S100A8: variants seen among roughly 807,000 people sequenced by gnomAD.
S100A8 encodes the protein S100 calcium binding protein A8.
Under a neutral mutation model 4.2 loss-of-function variants are expected in S100A8, and 1 was observed. The observed-to-expected ratio is 0.24, with a 90% CI of 0.08 to 1.12. S100A8 has a LOEUF of 1.12. Ranked by LOEUF, S100A8 falls within the 50% of genes most tolerant of loss-of-function variation. S100A8 has a pLI of 0.53. For synonymous variants in S100A8, 41 were observed against 44.7 expected, an observed-to-expected ratio of 0.92 and a Z score of 0.33; for missense variants, 96 against 111.8, an observed-to-expected ratio of 0.86 and a Z score of 0.64.
chr1:153,417,786 C>T, the S100A8 span, among the ~76,000 whole-genome samples: 364 of 152,254 alleles, frequency 2.4e-3, 3 homozygotes, highest in African/African-American at 8.3e-3. Context: ...TGCTGGCCTC[C>T]GACTCTCCCT....
intron 1 of S100A8, 38 bp from the exon 2 acceptor site, chr1:153,390,595 G>T: frequency 1.2e-6 from 2 of 1,607,690 alleles, no homozygotes; most frequent in Non-Finnish European, 1.7e-6. Flanking sequence ...CCATGGCAGG[G>T]AATTTGCATC....
chr1:153,397,592 G>A, the S100A8 span, among the ~76,000 whole-genome samples: 1 of 152,294 alleles, frequency 6.6e-6, no homozygotes, highest in African/African-American at 2.4e-5. Flanking sequence ...GTGGGCATCG[G>A]GAGCACTGGG....
the S100A8 span, among the ~76,000 whole-genome samples, chr1:153,405,148 A>G: frequency 3.8e-3 from 584 of 151,784 alleles, 3 homozygotes; most frequent in African/African-American, 0.013. Flanking sequence ...GCCTCGTCTT[A>G]AAATTGGGCG....
the S100A8 span, chr1:153,419,564 G>A: frequency 2.0e-6 from 1 of 497,436 alleles, no homozygotes; most frequent in Non-Finnish European, 3.5e-6. Context: ...GTCTGCCTCT[G>A]CACCGTTCCC....
At chr1:153,415,237 A>C in the S100A8 span, among the ~76,000 whole-genome samples, 3 of 151,894 alleles carry the variant, frequency 2.0e-5, no homozygotes, top group African/African-American at 7.3e-5. Flanking sequence ...TTGCCGTCAT[A>C]TGGGAAACTG....
the S100A8 span, among the ~76,000 whole-genome samples, chr1:153,415,972 G>A: frequency 2.0e-5 from 3 of 152,356 alleles, no homozygotes; most frequent in Non-Finnish European, 2.9e-5. Context: ...TACTAGCTGA[G>A]TAAACTTGGG....
the S100A8 span, chr1:153,416,642 G>A: frequency 7.9e-4 from 299 of 376,698 alleles, 1 homozygote; most frequent in African/African-American, 5.5e-3. Flanking sequence ...GAAGGGAAAG[G>A]GCTGTGGACA....
At chr1:153,392,725 C>G (rs1255502265), upstream of S100A8, among the ~76,000 whole-genome samples, 1 of 152,146 alleles carries the variant, frequency 6.6e-6, no homozygotes, top group African/African-American at 2.4e-5. Context: ...TCCACCGTGC[C>G]CTGGGAGATG....
the S100A8 span, among the ~76,000 whole-genome samples, chr1:153,404,762 T>A: frequency 6.6e-6 from 1 of 152,216 alleles, no homozygotes; most frequent in Non-Finnish European, 1.5e-5. Flanking sequence ...AGAAAAGCCC[T>A]CTGCCTTTCA....
chr1:153,395,770 T>A (rs1662197839), upstream of S100A8, among the ~76,000 whole-genome samples: 1 of 152,248 alleles, frequency 6.6e-6, no homozygotes. Context: ...GACTTCCTAC[T>A]GTTTTCTCCA....
the S100A8 span, chr1:153,419,372 A>C: frequency 1.3e-6 from 2 of 1,519,628 alleles, no homozygotes; most frequent in Non-Finnish European, 1.8e-6. Flanking sequence ...CCCACCAGAC[A>C]CTTGCCTTAT....
chr1:153,412,698 A>G, the S100A8 span, among the ~76,000 whole-genome samples: 1 of 152,186 alleles, frequency 6.6e-6, no homozygotes, highest in Non-Finnish European at 1.5e-5. Flanking sequence ...TGTTTATTGC[A>G]GCACTATTCA....
At chr1:153,407,089 G>A in the S100A8 span, among the ~76,000 whole-genome samples, 1 of 152,182 alleles carries the variant, frequency 6.6e-6, no homozygotes, top group Non-Finnish European at 1.5e-5. Flanking sequence ...GAGGTACCGG[G>A]TTCATCTCAC....
the S100A8 span, among the ~76,000 whole-genome samples, chr1:153,407,844 C>A: frequency 1.0e-3 from 153 of 152,330 alleles, 1 homozygote; most frequent in African/African-American, 3.5e-3. Flanking sequence ...GCTGGTGACA[C>A]CCAGGCAAAC....
the S100A8 span, among the ~76,000 whole-genome samples, chr1:153,399,192 C>G: frequency 2.0e-5 from 3 of 152,318 alleles, no homozygotes; most frequent in South Asian, 6.2e-4. Context: ...GAACCCACCA[C>G]CAAGCCCCAC....
the S100A8 span, among the ~76,000 whole-genome samples, chr1:153,406,816 G>A: frequency 6.6e-6 from 1 of 152,184 alleles, no homozygotes; most frequent in Admixed American, 6.5e-5. Flanking sequence ...AGGATGGGGT[G>A]GGTTTATGGA....
chr1:153,410,442 T>C, the S100A8 span, among the ~76,000 whole-genome samples: 1 of 152,190 alleles, frequency 6.6e-6, no homozygotes, highest in Non-Finnish European at 1.5e-5. Flanking sequence ...AAAAGTTGAA[T>C]TCCTGAATAG....
the S100A8 span, among the ~76,000 whole-genome samples, chr1:153,418,658 G>A: frequency 6.6e-6 from 1 of 152,146 alleles, no homozygotes; most frequent in African/African-American, 2.4e-5. Flanking sequence ...TGGCAAATCT[G>A]AAAAAACCTG....
chr1:153,406,124 C>A, the S100A8 span, among the ~76,000 whole-genome samples: 2 of 152,158 alleles, frequency 1.3e-5, no homozygotes, highest in African/African-American at 4.8e-5. Context: ...AAAGCTTCCC[C>A]TGGTTCCCCC....
Sources: gnomAD v4.1 joint callset for allele counts (sites outside exome capture counted in the v4.1 genomes callset) on GRCh38, gnomAD v4.1.1 for gene constraint, MANE v1.5 for transcripts, NCBI Gene and HGNC (gene_info 2026-07-23, HGNC 2026-07-21) for gene names.